KIAA1191: variants seen among roughly 807,000 people sequenced by gnomAD.
KIAA1191 encodes the protein putative monooxygenase p33MONOX.
In KIAA1191, 22 loss-of-function variants were observed where a neutral mutation model predicts 31.1. That is an observed-to-expected ratio of 0.71 (90% CI 0.51 to 1.01). The LOEUF (loss-of-function observed/expected upper bound fraction) is 1.01, where lower values mean the gene tolerates loss of function less well. Among genes scored for constraint, KIAA1191 ranks in the 50% least tolerant of loss-of-function variants. The pLI is 0.00. For missense variants in KIAA1191, 319 were observed against 388.0 expected (o/e 0.82, Z 1.49); for synonymous variants, 130 against 143.9 (o/e 0.90, Z 0.69).
intron 3 of KIAA1191, among the ~76,000 whole-genome samples, chr5:176,357,454 A>T (rs1483563639): frequency 6.6e-6 from 1 of 150,558 alleles, no homozygotes; most frequent in Non-Finnish European, 1.5e-5. Context: ...ACACAAGCAA[A>T]TAATAATTAC....
At position 176,347,437 on chromosome 5, in the gene KIAA1191, G is replaced by C. The variant is rs975689815; in HGVS notation, c.*163C>G. The C allele has an allele frequency of 2.2e-6, 1 of 453,964 alleles. No homozygotes were observed. Among genetic ancestry groups the C allele is most frequent in the East Asian group, 3.5e-5 (1 of 28,332 alleles). 28.1% of individuals were successfully genotyped at this position (453,964 alleles called of 1,614,324 possible). ...GGCTGGTCTTGAACTCCTGACCTCAGGTATCCACCTACCTTGGCCTCCCAA... is the reference window on the plus strand; with the variant it reads ...GGCTGGTCTTGAACTCCTGACCTCACGTATCCACCTACCTTGGCCTCCCAA... On this transcript the variant is annotated 3_prime_UTR_variant, in exon 9 of 9. Transcript: ENST00000298569.
At chr5:176,359,061 G>A (rs1767750969) in intron 3 of KIAA1191, among the ~76,000 whole-genome samples, 1 of 147,194 alleles carries the variant, frequency 6.8e-6, no homozygotes, top group Admixed American at 6.8e-5. Context: ...TCCAGCCTGG[G>A]CGACAGAGCA....
Position 176,347,400 on chromosome 5 carries a change from C to A in KIAA1191, c.*200G>T. The stretch of plus-strand genomic sequence containing the variant: ...TATTTTTAGTAGAGACGGGGTTTCA[C>A]CATGTTGGCCAGGCTGGTCTTGAAC... On this transcript the variant is annotated 3_prime_UTR_variant, in exon 9 of 9. Transcript: ENST00000298569. The A allele has an allele frequency of 3.0e-6, 1 of 337,152 alleles. No homozygotes were observed. Among genetic ancestry groups the A allele is most frequent in the Non-Finnish European group, 5.3e-6 (1 of 188,260 alleles). 20.9% of individuals were successfully genotyped at this position (337,152 alleles called of 1,614,324 possible). A position where few individuals can be genotyped will look rare whatever the true frequency, so the allele number is the denominator to read the frequency against.
chr5:176,358,609 G>A (rs1273160429), intron 3 of KIAA1191, among the ~76,000 whole-genome samples: 3 of 152,210 alleles, frequency 2.0e-5, no homozygotes, highest in South Asian at 2.1e-4. Flanking sequence ...CCAGCTACTC[G>A]AGGCTGAGGC....
intron 4 of KIAA1191, among the ~76,000 whole-genome samples, chr5:176,354,814 A>G (rs981121999): frequency 3.3e-5 from 5 of 152,198 alleles, no homozygotes; most frequent in Non-Finnish European, 7.3e-5. Context: ...CGAGAAAGCA[A>G]TGCAGGGATG....
chr5:176,359,234 G>T (rs1767778039), intron 3 of KIAA1191, among the ~76,000 whole-genome samples: 1 of 151,910 alleles, frequency 6.6e-6, no homozygotes, highest in Admixed American at 6.6e-5. Flanking sequence ...CAGGAGAATG[G>T]CTTGAACCCA....
rs1477921457 is a variant in KIAA1191, at chr5:176,352,668, C to A, written c.288G>T (p.Val96=). The A allele has an allele frequency of 6.2e-7, 1 of 1,614,030 alleles. No individual in the cohort carries two copies. Residue 96 remains valine (V), a synonymous_variant, in exon 5 of 9, where the codon GTG becomes GTT. Transcript: ENST00000298569. ...SAIDSVDKVP[V]VKAKATHVIM... is the part of the protein sequence containing the mutation. ...TGACATGGGTAGCTTTAGCCTTCAC[C>A]ACTGGGACCTTGTCCACACTGTCAA...
intron 5 of KIAA1191, among the ~76,000 whole-genome samples, chr5:176,351,016 G>A (rs1766944941): frequency 6.6e-6 from 1 of 152,130 alleles, no homozygotes; most frequent in South Asian, 2.1e-4. Flanking sequence ...CCTCCTCTTA[G>A]TTGTACATGG....
chr5:176,359,104 A>G (rs1206633124), intron 3 of KIAA1191, among the ~76,000 whole-genome samples: 3 of 119,492 alleles, frequency 2.5e-5, no homozygotes, highest in East Asian at 2.5e-4. Context: ...AAAAAAAAAA[A>G]GGTCAGGAGT....
At position 176,352,755 on chromosome 5, in the gene KIAA1191, AAG is replaced by A; in HGVS notation, c.208-9_208-8del. 6.2e-7 allele frequency: 1 copy of A among 1,612,852 alleles called. No homozygotes were observed. Among genetic ancestry groups the A allele is most frequent in the South Asian group, 1.1e-5 (1 of 91,012 alleles). On this transcript the variant is annotated splice_polypyrimidine_tract_variant and splice_region_variant and intron_variant, in intron 4 of 8. Transcript: ENST00000298569. Reference sequence around the variant, plus strand: ...TGGCCTCTCCTTCCTCCACCTGTTCAAGAGAGGTACAGTACAGAAGCACTTAG... The same window carrying A: ...TGGCCTCTCCTTCCTCCACCTGTTCAAGAGGTACAGTACAGAAGCACTTAG...
chr5:176,356,948 G>C (rs1767554638), intron 3 of KIAA1191, among the ~76,000 whole-genome samples: 1 of 152,152 alleles, frequency 6.6e-6, no homozygotes, highest in South Asian at 2.1e-4. Flanking sequence ...GCCAGGGAGT[G>C]GGTGGGGGGA....
intron 3 of KIAA1191, among the ~76,000 whole-genome samples, chr5:176,359,096 A>G (rs1767759902): frequency 7.0e-6 from 1 of 142,222 alleles, no homozygotes. Flanking sequence ...AAAAAAAAAA[A>G]AAAAAAAAGG....
Position 176,347,800 on chromosome 5 carries a change from C to G in KIAA1191, c.718G>C (p.Ala240Pro). ...SLQKYDSGSF[A>P]TQAYRGAQKP... is the part of the protein sequence containing the mutation. ...TGGGCTCCTCGGTAGGCCTGGGTGGCAAAACTTCCTACAAAAGTGAACCAG... is the reference window on the plus strand; with the variant it reads ...TGGGCTCCTCGGTAGGCCTGGGTGGGAAAACTTCCTACAAAAGTGAACCAG... Residue 240 changes from alanine to proline, a missense_variant, in exon 9 of 9, where the codon GCC becomes CCC. By Grantham distance (27) the Ala-to-Pro change is conservative (BLOSUM62 -1). Transcript: ENST00000298569. 1.2e-6 allele frequency: 2 copies of G among 1,600,324 alleles called. No individual in the cohort carries two copies. The highest frequency in any genetic ancestry group is 1.7e-6 in the Non-Finnish European group (2 of 1,173,200).
intron 6 of KIAA1191, 36 bp downstream of exon 6, chr5:176,350,576 TG>T: frequency 6.2e-7 from 1 of 1,608,064 alleles, no homozygotes; most frequent in South Asian, 1.1e-5. Flanking sequence ...CCATGAACAC[TG>T]AAGGTTTTGT....
chr5:176,352,836 G>T, intron 4 of KIAA1191, 88 bp from the exon 5 acceptor site: 1 of 1,368,202 alleles, frequency 7.3e-7, no homozygotes, highest in Non-Finnish European at 9.7e-7. Context: ...GGAAGTTACT[G>T]AAATAACATT....
intron 5 of KIAA1191, 118 bp from the exon 6 acceptor site, chr5:176,350,855 G>C: frequency 7.9e-7 from 1 of 1,269,022 alleles, no homozygotes; most frequent in African/African-American, 1.5e-5. Flanking sequence ...ACCATTCAAA[G>C]AAGAGGAGAC....
chr5:176,359,753 T>C (rs1199797134), intron 2 of KIAA1191, 58 bp downstream of exon 2: 2 of 450,576 alleles, frequency 4.4e-6, no homozygotes, highest in African/African-American at 3.9e-5. Flanking sequence ...GTGGCTGATC[T>C]TAACACCTGT....
chr5:176,357,459 A>T (rs1271124911), intron 3 of KIAA1191, among the ~76,000 whole-genome samples: 2 of 152,026 alleles, frequency 1.3e-5, no homozygotes, highest in East Asian at 3.8e-4. Flanking sequence ...AGCAAATAAT[A>T]ATTACTAAGT....
At chr5:176,356,328 G>A (rs1249419087) in intron 3 of KIAA1191, among the ~76,000 whole-genome samples, 4 of 152,174 alleles carry the variant, frequency 2.6e-5, no homozygotes, top group Non-Finnish European at 4.4e-5. Context: ...CCGAGGATAC[G>A]AAGTTCTCAT....
Sources: gnomAD v4.1 joint callset for allele counts (sites outside exome capture counted in the v4.1 genomes callset) on GRCh38, gnomAD v4.1.1 for gene constraint, MANE v1.5 for transcripts, NCBI Gene and HGNC (gene_info 2026-07-23, HGNC 2026-07-21) for gene names.